Variants in PCDHA4 observed in about 807,000 individuals in gnomAD.
PCDHA4 encodes protocadherin alpha-4.
Under a neutral mutation model 61.4 loss-of-function variants are expected in PCDHA4, and 49 were observed. The observed-to-expected ratio is 0.80, with a 90% CI of 0.63 to 1.01. PCDHA4 has a LOEUF of 1.01. Among genes scored for constraint, PCDHA4 ranks in the 50% least tolerant of loss-of-function variants. PCDHA4 has a pLI of 0.00. For synonymous variants in PCDHA4, 590 were observed against 550.3 expected (o/e 1.07, Z -1.01); for missense variants, 1,254 against 1,235.8 (o/e 1.01, Z -0.22).
intron 1 of PCDHA4, among the ~76,000 whole-genome samples, chr5:140,872,773 C>CTA (rs1354761914): frequency 6.6e-6 from 1 of 152,078 alleles, no homozygotes; most frequent in Non-Finnish European, 1.5e-5. Context: ...GCTATATTAT[C>CTA]TATAATATAT....
At chr5:140,892,158 T>C (rs1442080527) in intron 1 of PCDHA4, among the ~76,000 whole-genome samples, 1 of 152,242 alleles carries the variant, frequency 6.6e-6, no homozygotes, top group Non-Finnish European at 1.5e-5. Context: ...ATTTCTGATA[T>C]GTCCAGTAAC....
At chr5:140,846,591 G>A (rs1236842497) in intron 1 of PCDHA4, among the ~76,000 whole-genome samples, 3 of 148,580 alleles carry the variant, frequency 2.0e-5, no homozygotes, top group African/African-American at 7.4e-5. Context: ...AGCCAGGATG[G>A]TCTCGATCTC....
chr5:140,823,532 C>T (rs138704270), intron 1 of PCDHA4: 7 of 1,613,746 alleles, frequency 4.3e-6, no homozygotes, highest in Non-Finnish European at 4.2e-6. Context: ...TCAGTGGGTG[C>T]GGGCCACGTG....
chr5:140,915,542 G>T (rs1253663657), intron 1 of PCDHA4, among the ~76,000 whole-genome samples: 2 of 152,030 alleles, frequency 1.3e-5, no homozygotes, highest in Admixed American at 6.6e-5. Context: ...TGGAGGTCTT[G>T]AATAAGATCC....
intron 1 of PCDHA4, among the ~76,000 whole-genome samples, chr5:140,946,631 T>TATATATTATATATATATATATATATACAC (rs57893927): frequency 7.6e-6 from 1 of 131,846 alleles, no homozygotes; most frequent in African/African-American, 3.5e-5. Flanking sequence ...TATATATATA[T>TATATATTATATATATATATATATATACAC]ACAATGGAAT....
At chr5:140,815,979 A>G (rs1554126949) in intron 1 of PCDHA4, 1 of 152,130 alleles carries the variant, frequency 6.6e-6, no homozygotes, top group African/African-American at 2.4e-5. Context: ...GTACGTGATG[A>G]GGCATTTTTC....
rs2150124937 is a variant in PCDHA4, at chr5:140,823,353, A to G, written c.2385+13781A>G. The G allele has an allele frequency of 2.0e-5, 32 of 1,612,244 alleles. No individual in the cohort carries two copies. The African/African-American group carries it at 2.8e-4, about 14-fold the overall frequency. On this transcript the variant is annotated intron_variant, in intron 1 of 3. Coordinates refer to ENST00000530339, the MANE Select transcript of PCDHA4 (RefSeq NM_018907.4). ...CGCTGCAGCCGCTGGACCACGAGGAAGTGGAGCTGCTGCAGTTCCAGGTGA... is the reference window on the plus strand; with the variant it reads ...CGCTGCAGCCGCTGGACCACGAGGAGGTGGAGCTGCTGCAGTTCCAGGTGA...
At chr5:140,841,155 C>A in intron 1 of PCDHA4, 1 of 842,000 alleles carries the variant, frequency 1.2e-6, no homozygotes, top group Non-Finnish European at 1.8e-6. Flanking sequence ...TCGCTGTCTA[C>A]CAAGAAGTTC....
At chr5:140,893,818 G>A (rs184696543) in intron 1 of PCDHA4, among the ~76,000 whole-genome samples, 14 of 152,114 alleles carry the variant, frequency 9.2e-5, no homozygotes, top group Admixed American at 3.3e-4. Context: ...GTCTGGTACC[G>A]TAGACTACTC....
intron 1 of PCDHA4, among the ~76,000 whole-genome samples, chr5:140,937,150 G>A (rs2153631833): frequency 6.7e-6 from 1 of 149,812 alleles, no homozygotes; most frequent in East Asian, 2.0e-4. Context: ...CCATTCTCCT[G>A]CCTCAGCCTC....
intron 1 of PCDHA4, chr5:140,859,682 A>G (rs2045965984): frequency 6.5e-6 from 1 of 154,852 alleles, no homozygotes; most frequent in Admixed American, 6.4e-5. Context: ...AAATAAAATT[A>G]AAATTATTGT....
intron 1 of PCDHA4, among the ~76,000 whole-genome samples, chr5:140,961,654 T>G (rs1554225528): frequency 6.6e-6 from 1 of 152,194 alleles, no homozygotes; most frequent in East Asian, 1.9e-4. Context: ...TGTGGTTAGT[T>G]TGAAGTTACC....
intron 1 of PCDHA4, chr5:140,877,741 A>C: frequency 6.2e-7 from 1 of 1,614,182 alleles, no homozygotes; most frequent in Non-Finnish European, 8.5e-7. Context: ...GAGGAGGCAG[A>C]GGGTGTGCTC....
intron 1 of PCDHA4, chr5:140,851,868 C>A: frequency 1.0e-6 from 1 of 976,710 alleles, no homozygotes; most frequent in Non-Finnish European, 1.2e-6. Context: ...ATACATAACA[C>A]AAGGCAGAAA....
chr5:140,915,863 A>C (rs1424465325), intron 1 of PCDHA4, among the ~76,000 whole-genome samples: 1 of 152,172 alleles, frequency 6.6e-6, no homozygotes, highest in Non-Finnish European at 1.5e-5. Context: ...CCAAGTTTGC[A>C]TCCTTCCCTT....
At chr5:140,864,675 T>A (rs1331256646) in intron 1 of PCDHA4, 6 of 152,254 alleles carry the variant, frequency 3.9e-5, no homozygotes, top group African/African-American at 1.4e-4. Context: ...GTTGACTTAA[T>A]TGCTGCTGTC....
At chr5:140,869,141 G>A in intron 1 of PCDHA4, 1 of 1,613,314 alleles carries the variant, frequency 6.2e-7, no homozygotes, top group Non-Finnish European at 8.5e-7. Context: ...GGCACCCCAC[G>A]ACTACAGCTC....
chr5:140,872,346 G>A (rs2053606612), intron 1 of PCDHA4, among the ~76,000 whole-genome samples: 1 of 152,022 alleles, frequency 6.6e-6, no homozygotes, highest in Admixed American at 6.6e-5. Context: ...ACATGTTCTT[G>A]CCAGGCAAAG....
chr5:140,869,211 G>C (rs375218342), intron 1 of PCDHA4: 26 of 1,613,838 alleles, frequency 1.6e-5, no homozygotes, highest in African/African-American at 1.5e-4. Flanking sequence ...ACTCCGTCTC[G>C]GAGGAGGCCA....
Sources: allele counts gnomAD v4.1 joint callset (sites outside exome capture counted in the v4.1 genomes callset), GRCh38; gene constraint gnomAD v4.1.1; transcripts MANE v1.5; gene names NCBI Gene and HGNC (gene_info 2026-07-23, HGNC 2026-07-21).